Variants in MSRB3 observed in about 807,000 individuals in gnomAD.
MSRB3 encodes the protein methionine sulfoxide reductase B3.
A neutral mutation model predicts 21.0 loss-of-function variants in MSRB3; 13 were observed. That is an observed-to-expected ratio of 0.62 (90% CI 0.40 to 0.98). The LOEUF is 0.98. MSRB3 is among the 50% of genes least tolerant of loss of function. MSRB3 has a pLI of 0.00. For missense variants in MSRB3, 199 were observed against 230.3 expected (o/e 0.86, Z 0.88); for synonymous variants, 87 against 88.6 (o/e 0.98, Z 0.10).
chr12:65,398,314 A>G (rs948545446), intron 5 of MSRB3, among the ~76,000 whole-genome samples: 3 of 152,174 alleles, frequency 2.0e-5, no homozygotes, highest in Admixed American at 6.5e-5. Context: ...AACTGGTGTG[A>G]GATGGTATCT....
chr12:65,279,609 A>G (rs1422692611), intron 1 of MSRB3: 1 of 152,260 alleles, frequency 6.6e-6, no homozygotes, highest in East Asian at 1.9e-4. Context: ...AACTATATGA[A>G]TGAAAAGTGC....
At chr12:65,409,088 C>T (rs929768439) in intron 5 of MSRB3, among the ~76,000 whole-genome samples, 1 of 151,900 alleles carries the variant, frequency 6.6e-6, no homozygotes, top group Non-Finnish European at 1.5e-5. Flanking sequence ...CACTGAACCT[C>T]CAGCAATCTG....
chr12:65,466,564 A>T lies in MSRB3; in HGVS notation c.*3242A>T, dbSNP rs1238463612. 6.6e-6 allele frequency: 1 copy of T among 152,208 alleles called. No homozygotes were observed. The highest frequency in any genetic ancestry group is 1.5e-5 in the Non-Finnish European group (1 of 68,044). 9.4% of individuals were successfully genotyped at this position (152,208 alleles called of 1,614,324 possible). On this transcript the variant is annotated 3_prime_UTR_variant, in exon 7 of 7. Coordinates refer to ENST00000308259, the MANE Select transcript of MSRB3 (RefSeq NM_001031679.3). ...ATAGCCTTACATTCAAGCAGAATGG[A>T]TCTGAAGAAAGCAGCAATATCTGTT...
At chr12:65,454,849 T>A (rs1376726709) in intron 6 of MSRB3, among the ~76,000 whole-genome samples, 1 of 152,222 alleles carries the variant, frequency 6.6e-6, no homozygotes, top group Non-Finnish European at 1.5e-5. Context: ...CTTGTGGGTA[T>A]TTTGTGCTTA....
chr12:65,320,834 A>T (rs1874615815), intron 2 of MSRB3, among the ~76,000 whole-genome samples: 1 of 152,190 alleles, frequency 6.6e-6, no homozygotes, highest in Non-Finnish European at 1.5e-5. Context: ...TTATATATTT[A>T]AATTGTTGCT....
At chr12:65,368,651 A>G (rs1424522447) in intron 4 of MSRB3, among the ~76,000 whole-genome samples, 1 of 152,202 alleles carries the variant, frequency 6.6e-6, no homozygotes, top group Non-Finnish European at 1.5e-5. Context: ...GAGAATAATT[A>G]TGAATTTGGT....
chr12:65,458,796 T>C (rs1446630111), intron 6 of MSRB3, among the ~76,000 whole-genome samples: 1 of 152,212 alleles, frequency 6.6e-6, no homozygotes, highest in Non-Finnish European at 1.5e-5. Flanking sequence ...CTTGTAACAA[T>C]TTTCAGCTAT....
At chr12:65,439,153 G>A (rs937247860) in intron 5 of MSRB3, among the ~76,000 whole-genome samples, 9 of 151,552 alleles carry the variant, frequency 5.9e-5, no homozygotes, top group Non-Finnish European at 8.9e-5. Context: ...AATATCAGAC[G>A]GAGTGAAAAT....
At chr12:65,411,673 T>C (rs1334347724) in intron 5 of MSRB3, among the ~76,000 whole-genome samples, 1 of 151,492 alleles carries the variant, frequency 6.6e-6, no homozygotes, top group Admixed American at 6.6e-5. Context: ...AGAAGTAAGA[T>C]AGAATCACTG....
chr12:65,288,899 C>T (rs1187044885), intron 1 of MSRB3, among the ~76,000 whole-genome samples: 1 of 152,054 alleles, frequency 6.6e-6, no homozygotes, highest in Non-Finnish European at 1.5e-5. Flanking sequence ...CTGTAAAATT[C>T]ACTTATAAGA....
Position 65,279,085 on chromosome 12 carries a change from T to C in MSRB3, c.-52+220T>C. 7 of 1,389,056 alleles carry C rather than the reference T, an allele frequency of 5.0e-6. No homozygotes were observed. The South Asian group carries it at 6.5e-5, about 13-fold the overall frequency. 86.0% of individuals were successfully genotyped at this position (1,389,056 alleles called of 1,614,324 possible). A position where few individuals can be genotyped will look rare whatever the true frequency, so the allele number is the denominator to read the frequency against. On this transcript the variant is annotated intron_variant, in intron 1 of 6. Transcript: ENST00000308259. The stretch of plus-strand genomic sequence containing the variant: ...GAACGGAAGGAGGTCAGGGCTGGTT[T>C]CCCCCCACCCGCCGAAGGGAGGCGT...
rs543525838 is a variant in MSRB3, at chr12:65,440,328, G to A, written c.293-13400G>A. On this transcript the variant is annotated intron_variant, in intron 5 of 6. Transcript: ENST00000308259. ...GCATATTTGAATAAAATAATCAAAAGCAAAGTCAAATACAGTAACAATAGA... is the reference window on the plus strand; with the variant it reads ...GCATATTTGAATAAAATAATCAAAAACAAAGTCAAATACAGTAACAATAGA... 2.2e-3 allele frequency among the ~76,000 whole-genome samples: 337 copies of A among 151,762 alleles called. 1 individual carries two copies. Among genetic ancestry groups the A allele is most frequent in the African/African-American group, 7.7e-3 (321 of 41,468 alleles).
At chr12:65,429,377 AG>A (rs1451135385) in intron 5 of MSRB3, among the ~76,000 whole-genome samples, 9 of 152,218 alleles carry the variant, frequency 5.9e-5, no homozygotes, top group African/African-American at 2.2e-4. Context: ...GAGTGTTCAA[AG>A]CAGAAGAGAA....
chr12:65,278,841 G>A lies in MSRB3; in HGVS notation c.-76G>A, dbSNP rs571492323. 1 of 1,564,396 alleles carries A rather than the reference G, an allele frequency of 6.4e-7. No homozygotes were observed. The highest frequency in any genetic ancestry group is 8.7e-7 in the Non-Finnish European group (1 of 1,154,294). ...CCTCTGCCTCTGCCTCTGCCTGGCC[G>A]CGGCTCTGGGAAGTGCGCAGTCCGG... On this transcript the variant is annotated 5_prime_UTR_variant, in exon 1 of 7. Coordinates refer to ENST00000308259, the MANE Select transcript of MSRB3 (RefSeq NM_001031679.3).
intron 4 of MSRB3, among the ~76,000 whole-genome samples, chr12:65,337,957 T>C (rs1875892078): frequency 6.6e-6 from 1 of 152,238 alleles, no homozygotes. Flanking sequence ...AGATAATAGA[T>C]TATGATATAG....
intron 4 of MSRB3, among the ~76,000 whole-genome samples, chr12:65,362,868 C>T (rs1400231857): frequency 6.6e-6 from 1 of 152,090 alleles, no homozygotes; most frequent in African/African-American, 2.4e-5. Flanking sequence ...TCACTAGTCA[C>T]TGGTCGGTGA....
At chr12:65,324,799 A>G (rs777180379) in intron 2 of MSRB3, among the ~76,000 whole-genome samples, 1 of 152,234 alleles carries the variant, frequency 6.6e-6, no homozygotes, top group Non-Finnish European at 1.5e-5. Context: ...ATCCAATACC[A>G]TGTAATTTAA....
At chr12:65,316,327 A>C (rs1317990743) in intron 2 of MSRB3, 4 of 152,110 alleles carry the variant, frequency 2.6e-5, no homozygotes, top group Non-Finnish European at 5.9e-5. Flanking sequence ...TGTGCAATTT[A>C]AGTGCCTTGT....
At chr12:65,285,724 G>A (rs1307914505) in intron 1 of MSRB3, 2 of 152,576 alleles carry the variant, frequency 1.3e-5, no homozygotes, top group Admixed American at 1.3e-4. Context: ...GGAGGCTGAG[G>A]TGAGAGGATT....
Sources: allele counts gnomAD v4.1 joint callset (sites outside exome capture counted in the v4.1 genomes callset), GRCh38; gene constraint gnomAD v4.1.1; transcripts MANE v1.5; gene names NCBI Gene and HGNC (gene_info 2026-07-23, HGNC 2026-07-21).